The following GOLM2 variants were observed in gnomAD, a reference collection of about 807,000 sequenced individuals.
GOLM2 encodes protein GOLM2.
In GOLM2, 26 loss-of-function variants were observed where a neutral mutation model predicts 55.9. The ratio of observed to expected loss-of-function variants is 0.47; its 90% CI spans 0.34 to 0.65. The LOEUF is 0.65. Ranked by LOEUF, GOLM2 falls within the 30% of genes least tolerant of loss-of-function variation. GOLM2 has a pLI of 0.01. For synonymous variants in GOLM2, 165 were observed against 194.6 expected (o/e 0.85, Z 1.27); for missense variants, 486 against 531.8 (o/e 0.91, Z 0.85).
intron 1 of GOLM2, among the ~76,000 whole-genome samples, chr15:44,319,668 A>G (rs891640320): frequency 1.3e-5 from 2 of 151,902 alleles, no homozygotes; most frequent in African/African-American, 2.4e-5. Context: ...GCTCACTGCA[A>G]CCTCAACCTT....
chr15:44,356,588 C>T (rs2079199682), intron 6 of GOLM2, among the ~76,000 whole-genome samples: 1 of 152,168 alleles, frequency 6.6e-6, no homozygotes. Flanking sequence ...CCTTCCAAAG[C>T]AGGAAGCACC....
At chr15:44,378,953 G>A (rs1325755782) in intron 6 of GOLM2, among the ~76,000 whole-genome samples, 1 of 152,036 alleles carries the variant, frequency 6.6e-6, no homozygotes, top group Non-Finnish European at 1.5e-5. Flanking sequence ...CACCTTGTTG[G>A]CCAAGCTGAT....
intron 1 of GOLM2, among the ~76,000 whole-genome samples, chr15:44,321,121 T>A (rs545636779): frequency 1.3e-5 from 2 of 152,256 alleles, no homozygotes; most frequent in Non-Finnish European, 2.9e-5. Flanking sequence ...TTTTATACTT[T>A]CCCATTGAGT....
At chr15:44,343,341 T>A (rs1209897267) in intron 6 of GOLM2, among the ~76,000 whole-genome samples, 1 of 151,588 alleles carries the variant, frequency 6.6e-6, no homozygotes, top group Non-Finnish European at 1.5e-5. Context: ...ACCAACTTAG[T>A]TGTTGTTGTT....
intron 4 of GOLM2, among the ~76,000 whole-genome samples, chr15:44,334,395 T>C (rs571137088): frequency 2.4e-4 from 36 of 152,350 alleles, no homozygotes; most frequent in African/African-American, 8.4e-4. Context: ...GGATTTATCT[T>C]TTTGTTTTAT....
intron 1 of GOLM2, among the ~76,000 whole-genome samples, chr15:44,313,534 A>T (rs925417905): frequency 1.3e-5 from 2 of 152,200 alleles, no homozygotes; most frequent in Admixed American, 1.3e-4. Flanking sequence ...ATACTCACTT[A>T]TAAAACTTGT....
At chr15:44,330,250 C>T (rs1407698917) in intron 3 of GOLM2, among the ~76,000 whole-genome samples, 6 of 144,858 alleles carry the variant, frequency 4.1e-5, no homozygotes, top group African/African-American at 1.3e-4. Flanking sequence ...CAGTGGCTCA[C>T]GCCTGTAATC....
intron 1 of GOLM2, among the ~76,000 whole-genome samples, chr15:44,305,450 C>A (rs1409299329): frequency 6.6e-6 from 1 of 151,906 alleles, no homozygotes; most frequent in Non-Finnish European, 1.5e-5. Flanking sequence ...AGGTATGGGC[C>A]TCTACACCTG....
chr15:44,320,211 A>G (rs1205980740), intron 1 of GOLM2, among the ~76,000 whole-genome samples: 4 of 152,156 alleles, frequency 2.6e-5, no homozygotes, highest in African/African-American at 9.7e-5. Context: ...TTCATTTAGC[A>G]TATGTAATGT....
chr15:44,306,446 G>C (rs1169145121), intron 1 of GOLM2, among the ~76,000 whole-genome samples: 2 of 152,116 alleles, frequency 1.3e-5, no homozygotes, highest in Non-Finnish European at 2.9e-5. Flanking sequence ...GAATATTGTG[G>C]TTAGTTTGAC....
intron 1 of GOLM2, among the ~76,000 whole-genome samples, chr15:44,313,655 G>A (rs1183233984): frequency 6.6e-6 from 1 of 152,112 alleles, no homozygotes; most frequent in Non-Finnish European, 1.5e-5. Flanking sequence ...TCACTTAGCA[G>A]GTGTTCAATA....
At chr15:44,293,407 G>A (rs1311616605) in intron 1 of GOLM2, among the ~76,000 whole-genome samples, 1 of 152,024 alleles carries the variant, frequency 6.6e-6, no homozygotes, top group Non-Finnish European at 1.5e-5. Flanking sequence ...TTCAGTTTTC[G>A]CCTGCTGTCC....
At chr15:44,393,234 A>G (rs543863686) in intron 8 of GOLM2, among the ~76,000 whole-genome samples, 18 of 152,216 alleles carry the variant, frequency 1.2e-4, no homozygotes, top group Non-Finnish European at 2.4e-4. Context: ...AAACATAGTG[A>G]AACTTTTAAA....
chr15:44,362,286 T>C (rs1335378696), intron 6 of GOLM2, among the ~76,000 whole-genome samples: 1 of 152,238 alleles, frequency 6.6e-6, no homozygotes, highest in African/African-American at 2.4e-5. Context: ...ATTGTATATC[T>C]AGAAAACCCC....
chr15:44,351,380 T>C (rs1410996822), intron 6 of GOLM2, among the ~76,000 whole-genome samples: 1 of 151,660 alleles, frequency 6.6e-6, no homozygotes, highest in Non-Finnish European at 1.5e-5. Context: ...ATAGAGACCA[T>C]CCTGGCTAAC....
intron 6 of GOLM2, among the ~76,000 whole-genome samples, chr15:44,364,242 A>G (rs568787048): frequency 6.6e-6 from 1 of 152,238 alleles, no homozygotes; most frequent in East Asian, 1.9e-4. Flanking sequence ...TTAGAAAACA[A>G]GCTCGGTATG....
chr15:44,315,008 T>A (rs2078899606), intron 1 of GOLM2, among the ~76,000 whole-genome samples: 1 of 152,206 alleles, frequency 6.6e-6, no homozygotes, highest in South Asian at 2.1e-4. Flanking sequence ...CTGGTATAGG[T>A]GTTAACCATG....
intron 1 of GOLM2, among the ~76,000 whole-genome samples, chr15:44,297,365 T>C (rs1399580883): frequency 1.3e-5 from 2 of 152,158 alleles, no homozygotes; most frequent in African/African-American, 4.8e-5. Context: ...AGGTCTTCCA[T>C]AGAATGGCTC....
intron 8 of GOLM2, among the ~76,000 whole-genome samples, chr15:44,398,148 A>G (rs1053124735): frequency 4.6e-5 from 7 of 152,240 alleles, no homozygotes; most frequent in African/African-American, 1.4e-4. Flanking sequence ...TCACTCTATC[A>G]AAAGGAAGCC....
Sources: gnomAD v4.1 joint callset for allele counts (sites outside exome capture counted in the v4.1 genomes callset) on GRCh38, gnomAD v4.1.1 for gene constraint, MANE v1.5 for transcripts, NCBI Gene and HGNC (gene_info 2026-07-23, HGNC 2026-07-21) for gene names.